Variants in GPR155 observed in about 807,000 individuals in gnomAD.
GPR155 encodes G protein-coupled receptor 155, also known as lysosomal cholesterol signaling protein.
A neutral mutation model predicts 93.1 loss-of-function variants in GPR155; 65 were observed. That is an observed-to-expected ratio of 0.70 (90% confidence interval 0.57 to 0.86). GPR155 has a LOEUF of 0.86. GPR155 is among the 40% of genes least tolerant of loss of function. GPR155 has a pLI of 0.00. For missense variants in GPR155, 838 were observed against 1,034.8 expected, an observed-to-expected ratio of 0.81 and a Z score of 2.61; for synonymous variants, 319 against 360.1, an observed-to-expected ratio of 0.89 and a Z score of 1.29.
At chr2:174,448,613 C>T (rs1006376900) in intron 11 of GPR155, among the ~76,000 whole-genome samples, 4 of 145,738 alleles carry the variant, frequency 2.7e-5, no homozygotes, top group African/African-American at 1.0e-4. Flanking sequence ...TCTCGGCTCA[C>T]TGCAAGCTCC....
chr2:174,462,068 T>A (rs1687712772), intron 7 of GPR155, among the ~76,000 whole-genome samples: 1 of 152,092 alleles, frequency 6.6e-6, no homozygotes, highest in Non-Finnish European at 1.5e-5. Flanking sequence ...CCTGAGTAGC[T>A]GGGACCACAG....
chr2:174,457,145 C>T (rs1687542364), intron 10 of GPR155, among the ~76,000 whole-genome samples: 1 of 152,144 alleles, frequency 6.6e-6, no homozygotes, highest in Non-Finnish European at 1.5e-5. Flanking sequence ...AAACCCACCT[C>T]TACTAAAAAT....
intron 4 of GPR155, among the ~76,000 whole-genome samples, chr2:174,470,151 T>C (rs1198445845): frequency 6.6e-6 from 1 of 152,128 alleles, no homozygotes; most frequent in African/African-American, 2.4e-5. Flanking sequence ...AAAACAACAT[T>C]GCTTTCTATG....
chr2:174,470,627 T>C, intron 3 of GPR155, 72 bp from the exon 4 acceptor site: 2 of 1,396,966 alleles, frequency 1.4e-6, no homozygotes. Flanking sequence ...GCTGCTCTGG[T>C]GAATTTGGCA....
intron 10 of GPR155, among the ~76,000 whole-genome samples, chr2:174,458,116 G>A (rs1052727021): frequency 2.0e-5 from 3 of 152,120 alleles, no homozygotes; most frequent in Admixed American, 6.6e-5. Context: ...GGGGTGGGAG[G>A]CAGGTTTTTA....
rs900083786 is a variant in GPR155 at position 174,436,308 on chromosome 2, G to T, written c.2421C>A (p.Asp807Glu). ...GGATGACTCCCCCTTGTACCAGCCT[G>T]TCTCCGTATATCACAGCTTCACCAC... Reference protein sequence around the residue: ...SDRGEAVIYGDRLVQGGVIQH... With the variant: ...SDRGEAVIYGERLVQGGVIQH... The change falls in exon 16 of 16, where the codon GAC (aspartate) becomes GAA (glutamate). Residue 807 changes from aspartate (D) to glutamate (E), a missense_variant. Physicochemically the swap from Asp to Glu is conservative, Grantham distance 45. Around this residue, in one of 3 missense-constraint regions of GPR155, gnomAD observed 146 missense variants for 177.5 expected, o/e 0.82. Transcript: ENST00000392552. The T allele has an allele frequency of 2.5e-6, 4 of 1,613,986 alleles. No homozygotes were observed. Among genetic ancestry groups the T allele is most frequent in the Non-Finnish European group, 3.4e-6 (4 of 1,179,982 alleles).
chr2:174,442,544 A>G (rs1283330243), intron 13 of GPR155, among the ~76,000 whole-genome samples: 1 of 152,226 alleles, frequency 6.6e-6, no homozygotes, highest in African/African-American at 2.4e-5. Context: ...AAACCTCACA[A>G]ATTATATAAT....
At chr2:174,470,624 TG>T in intron 3 of GPR155, 69 bp from the exon 4 acceptor site, 1 of 1,420,180 alleles carries the variant, frequency 7.0e-7, no homozygotes, top group Non-Finnish European at 9.7e-7. Flanking sequence ...CAGGCTGCTC[TG>T]GTGAATTTGG....
intron 10 of GPR155, among the ~76,000 whole-genome samples, chr2:174,459,372 A>G (rs1559108368): frequency 6.6e-6 from 1 of 152,238 alleles, no homozygotes; most frequent in Non-Finnish European, 1.5e-5. Context: ...AGGATTTAAC[A>G]AAAGTGTATA....
At chr2:174,470,302 A>T in intron 4 of GPR155, 88 bp downstream of exon 4, 1 of 1,106,994 alleles carries the variant, frequency 9.0e-7, no homozygotes, top group Non-Finnish European at 1.3e-6. Flanking sequence ...TTTCATTTTT[A>T]AAAAAGAATT....
Position 174,438,667 on chromosome 2 carries a change from C to T in GPR155, c.2312+1231G>A, listed in dbSNP as rs547043823. 2.0e-5 allele frequency among the ~76,000 whole-genome samples: 3 copies of T among 152,132 alleles called. No homozygotes were observed. In the East Asian group the frequency reaches 5.8e-4, roughly 30 times the overall value. ...GAATTACAGGCGCCCGCCAACACAC[C>T]CGGCTAGTTTTGTATTTTTAGTAGA... On this transcript the variant is annotated intron_variant, in intron 15 of 15. Transcript: ENST00000392552.
Position 174,460,042 on chromosome 2 carries a change from C to T in GPR155, c.1607G>A (p.Gly536Asp), listed in dbSNP as rs1417750068. The T allele has an allele frequency of 6.2e-7, 1 of 1,613,776 alleles. No individual in the cohort carries two copies. The highest frequency in any genetic ancestry group is 8.5e-7 in the Non-Finnish European group (1 of 1,179,978). The stretch of plus-strand genomic sequence containing the variant: ...CTGGTTCATGCACATGAGGGATATG[C>T]CAGCTATCAGGATGCTGCAGAACAG... ...VTLFCSILIA[G>D]ISLMCMNQTA... The change falls in exon 10 of 16, where the codon GGC becomes GAC. Residue 536 changes from glycine (G) to aspartate (D), a missense_variant. Physicochemically the swap from Gly to Asp is moderately conservative, Grantham distance 94. Coordinates refer to ENST00000392552, the MANE Select transcript of GPR155 (RefSeq NM_152529.7).
At chr2:174,441,695 T>C (rs1201812133) in intron 14 of GPR155, among the ~76,000 whole-genome samples, 1 of 150,822 alleles carries the variant, frequency 6.6e-6, no homozygotes, top group Non-Finnish European at 1.5e-5. Flanking sequence ...TGGTTTTCTG[T>C]CCTTGCGATA....
intron 8 of GPR155, 33 bp from the exon 9 acceptor site, chr2:174,461,525 G>A (rs1174107539): frequency 6.3e-7 from 1 of 1,579,494 alleles, no homozygotes; most frequent in Non-Finnish European, 8.7e-7. Context: ...GAGAGAAAAA[G>A]AAAGGATGAA....
intron 13 of GPR155, among the ~76,000 whole-genome samples, chr2:174,444,284 G>T (rs986910310): frequency 6.6e-6 from 1 of 151,582 alleles, no homozygotes; most frequent in Non-Finnish European, 1.5e-5. Context: ...GCGTAGTGGT[G>T]CATGCCTGTA....
intron 5 of GPR155, among the ~76,000 whole-genome samples, chr2:174,467,469 G>C (rs1037742734): frequency 6.6e-6 from 1 of 152,162 alleles, no homozygotes; most frequent in East Asian, 1.9e-4. Context: ...CTGGGCAACA[G>C]AGGGAGACTC....
Position 174,434,013 on chromosome 2 carries a change from T to C in GPR155, c.*2103A>G, listed in dbSNP as rs1574684428. 1 of 151,022 alleles carries C rather than the reference T, an allele frequency of 6.6e-6. No homozygotes were observed. The highest frequency in any genetic ancestry group is 2.4e-5 in the African/African-American group (1 of 41,032). The allele number at this position is 151,022 out of a possible 1,614,324, so 9.4% of individuals were successfully genotyped here. A position where few individuals can be genotyped will look rare whatever the true frequency, so the allele number is the denominator to read the frequency against. ...TCTCACTCTGACACTCAGGCTGGAG[T>C]GCAGTGGCACGATCTCAGCTCACTG... On this transcript the variant is annotated 3_prime_UTR_variant, in exon 16 of 16. Coordinates refer to ENST00000392552, the MANE Select transcript of GPR155 (RefSeq NM_152529.7).
rs2105650618 is a variant in GPR155, at chr2:174,433,248, A to ATT, written c.*2867_*2868insAA. 1 of 152,346 alleles carries ATT rather than the reference A, an allele frequency of 6.6e-6. No individual in the cohort carries two copies. Among genetic ancestry groups the ATT allele is most frequent in the Non-Finnish European group, 1.5e-5 (1 of 68,030 alleles). The allele number at this position is 152,346 out of a possible 1,614,324, so 9.4% of individuals were successfully genotyped here. A position where few individuals can be genotyped will look rare whatever the true frequency, so the allele number is the denominator to read the frequency against. On this transcript the variant is annotated 3_prime_UTR_variant, in exon 16 of 16. Coordinates refer to ENST00000392552, the MANE Select transcript of GPR155 (RefSeq NM_152529.7). ...CTAATAATTAAGATGCTCAAAGGTC[A>ATT]TCTAAATAGATCTCTTTAATTTACT...
chr2:174,483,857 T>TTA (rs1439304814), intron 1 of GPR155, among the ~76,000 whole-genome samples: 1 of 152,144 alleles, frequency 6.6e-6, no homozygotes, highest in Non-Finnish European at 1.5e-5. Flanking sequence ...AATGCTGGGA[T>TTA]TATAGGTGTG....
Sources: gnomAD v4.1 joint callset for allele counts (sites outside exome capture counted in the v4.1 genomes callset) on GRCh38, gnomAD v4.1.1 for gene constraint, gnomAD v4.1.1 regional missense constraint, MANE v1.5 for transcripts, NCBI Gene and HGNC (gene_info 2026-07-23, HGNC 2026-07-21) for gene names.